Variants in ANXA7 observed in about 807,000 individuals in gnomAD.
The protein encoded by ANXA7 is annexin A7, also known as annexin VII.
In ANXA7, 55 loss-of-function variants were observed where a neutral mutation model predicts 64.9. The observed-to-expected ratio is 0.85, with a 90% confidence interval of 0.68 to 1.06. The LOEUF (loss-of-function observed/expected upper bound fraction) is 1.06. ANXA7 is among the 50% of genes least tolerant of loss of function. ANXA7 has a pLI of 0.00. For synonymous variants in ANXA7, 200 were observed against 192.4 expected, an observed-to-expected ratio of 1.04 and a Z score of -0.33; for missense variants, 548 against 582.1, an observed-to-expected ratio of 0.94 and a Z score of 0.60.
chr10:73,377,774 G>GTGTGTGTGTGTGTGTT (rs1491380180), intron 12 of ANXA7, among the ~76,000 whole-genome samples: 2 of 99,892 alleles, frequency 2.0e-5, no homozygotes, highest in African/African-American at 1.5e-4. Context: ...GTGGGTGTGG[G>GTGTGTGTGTGTGTGTT]TGTGTGTGTG....
Position 73,413,459 on chromosome 10 carries a change from T to C in ANXA7, c.-2+553A>G, listed in dbSNP as rs547943730. Among the ~76,000 whole-genome samples the C allele has an allele frequency of 1.4e-3, 213 of 152,252 alleles. 3 individuals carry two copies. The highest frequency in any genetic ancestry group is 2.6e-3 in the Non-Finnish European group (178 of 68,010). On this transcript the variant is annotated intron_variant, in intron 1 of 12. Transcript: ENST00000372921. ...CAGGATGAGCTAATTTCAACACAGA[T>C]TTGCTGCTGGTCGGGGAACAGCAAT...
At position 73,390,725 on chromosome 10, in the gene ANXA7, T is replaced by TATATATATATATAA. The variant is rs1217514163; in HGVS notation, c.436-2312_436-2311insTTATATATATATAT. 2.4e-3 allele frequency among the ~76,000 whole-genome samples: 303 copies of TATATATATATATAA among 124,546 alleles called. 5 individuals carry two copies. Among genetic ancestry groups the TATATATATATATAA allele is most frequent in the African/African-American group, 9.4e-3 (280 of 29,696 alleles). 81.7% of individuals were successfully genotyped at this position (124,546 alleles called of 152,430 possible). On this transcript the variant is annotated intron_variant, in intron 5 of 12. Coordinates refer to ENST00000372921, the MANE Select transcript of ANXA7 (RefSeq NM_001156.5). ...ATATATATATATATATATATAAAAA[T>TATATATATATATAA]ATATATATACACACACACACATATA...
intron 1 of ANXA7, among the ~76,000 whole-genome samples, chr10:73,401,263 A>ACAT (rs1554818167): frequency 0.047 from 6,934 of 148,084 alleles, 481 homozygotes; most frequent in African/African-American, 0.16. Flanking sequence ...ACACATACAC[A>ACAT]ACACACACAC....
chr10:73,379,729 A>G (rs757459519), intron 11 of ANXA7, 150 bp downstream of exon 11: 2 of 760,384 alleles, frequency 2.6e-6, no homozygotes, highest in Non-Finnish European at 4.4e-6. Flanking sequence ...TAAAGAAAAC[A>G]AACAACAAAA....
At chr10:73,392,221 CA>C (rs1017442066) in intron 5 of ANXA7, among the ~76,000 whole-genome samples, 4 of 151,970 alleles carry the variant, frequency 2.6e-5, no homozygotes, top group Non-Finnish European at 5.9e-5. Context: ...GCCTACCAAC[CA>C]AAAAAAGTCC....
chr10:73,390,358 T>C (rs1256082667), intron 5 of ANXA7, among the ~76,000 whole-genome samples: 1 of 152,176 alleles, frequency 6.6e-6, no homozygotes, highest in African/African-American at 2.4e-5. Context: ...CTCCCACTCA[T>C]ATATATTTTT....
chr10:73,396,652 A>G, intron 4 of ANXA7, 69 bp from the exon 5 acceptor site: 1 of 877,284 alleles, frequency 1.1e-6, no homozygotes. Flanking sequence ...TCAAAACAGC[A>G]TTGATGACTA....
chr10:73,387,933 T>A (rs773248035), intron 6 of ANXA7, 150 bp from the exon 7 acceptor site: 108 of 634,206 alleles, frequency 1.7e-4, no homozygotes, highest in Non-Finnish European at 1.7e-4. Flanking sequence ...CTGACTGCAA[T>A]CTCCACCTCC....
At chr10:73,411,568 G>GT (rs1482241235) in intron 1 of ANXA7, among the ~76,000 whole-genome samples, 1 of 152,042 alleles carries the variant, frequency 6.6e-6, no homozygotes, top group Non-Finnish European at 1.5e-5. Context: ...AGCCTCCCGT[G>GT]TAGCTGGGAC....
intron 1 of ANXA7, among the ~76,000 whole-genome samples, chr10:73,402,723 T>G (rs936983350): frequency 6.6e-6 from 1 of 152,206 alleles, no homozygotes; most frequent in Non-Finnish European, 1.5e-5. Context: ...ATCTCCTACA[T>G]ATGATTACTT....
chr10:73,385,770 T>G (rs1230867204), intron 7 of ANXA7, among the ~76,000 whole-genome samples: 1 of 152,044 alleles, frequency 6.6e-6, no homozygotes, highest in Non-Finnish European at 1.5e-5. Flanking sequence ...GATCTAGGGT[T>G]TGTGTTGCAT....
chr10:73,386,997 C>A (rs190711274), intron 7 of ANXA7, among the ~76,000 whole-genome samples: 1 of 151,990 alleles, frequency 6.6e-6, no homozygotes, highest in African/African-American at 2.4e-5. Context: ...ACATAGGACA[C>A]GTTTAGAGAA....
At chr10:73,397,830 G>T (rs2132684091) in intron 3 of ANXA7, among the ~76,000 whole-genome samples, 2 of 152,156 alleles carry the variant, frequency 1.3e-5, no homozygotes, top group Admixed American at 1.3e-4. Context: ...TTGTTTTTTG[G>T]GGTCTTTTTT....
chr10:73,413,014 G>C (rs114924529), intron 1 of ANXA7, among the ~76,000 whole-genome samples: 1 of 152,186 alleles, frequency 6.6e-6, no homozygotes, highest in African/African-American at 2.4e-5. Flanking sequence ...GGTGACTGAA[G>C]ATACGCGCAA....
intron 2 of ANXA7, 66 bp downstream of exon 2, chr10:73,400,737 C>G: frequency 7.7e-7 from 1 of 1,295,082 alleles, no homozygotes; most frequent in South Asian, 1.4e-5. Flanking sequence ...TCTGTAAGAT[C>G]TGACATGGGC....
intron 7 of ANXA7, among the ~76,000 whole-genome samples, chr10:73,386,296 A>G (rs2055368651): frequency 6.6e-6 from 1 of 152,042 alleles, no homozygotes; most frequent in South Asian, 2.1e-4. Flanking sequence ...TTTTAGCCAT[A>G]GAATCTTGTT....
chr10:73,406,088 T>C (rs2055752992), intron 1 of ANXA7, among the ~76,000 whole-genome samples: 1 of 152,034 alleles, frequency 6.6e-6, no homozygotes, highest in South Asian at 2.1e-4. Context: ...CCTGAGTAAC[T>C]GGGATTACAG....
chr10:73,393,528 A>C (rs532978304), intron 5 of ANXA7, among the ~76,000 whole-genome samples: 1 of 152,350 alleles, frequency 6.6e-6, no homozygotes, highest in East Asian at 1.9e-4. Context: ...CCAATGGAAC[A>C]GAACAGAGCC....
At chr10:73,392,603 C>T (rs990456062) in intron 5 of ANXA7, among the ~76,000 whole-genome samples, 3 of 152,204 alleles carry the variant, frequency 2.0e-5, no homozygotes, top group African/African-American at 7.2e-5. Context: ...ACAAAAACCA[C>T]ATGACTATCT....
Sources: allele counts gnomAD v4.1 joint callset (sites outside exome capture counted in the v4.1 genomes callset), GRCh38; gene constraint gnomAD v4.1.1; transcripts MANE v1.5; gene names NCBI Gene and HGNC (gene_info 2026-07-23, HGNC 2026-07-21).